Variants in PCCA observed in about 807,000 individuals in gnomAD.
PCCA encodes propionyl-CoA carboxylase alpha chain, mitochondrial.
A neutral mutation model predicts 101.3 loss-of-function variants in PCCA; 74 were observed. The ratio of observed to expected loss-of-function variants is 0.73; its 90% CI spans 0.61 to 0.89. The LOEUF is 0.89. Among genes scored for constraint, PCCA ranks in the 40% least tolerant of loss-of-function variants. PCCA has a pLI of 0.00. For synonymous variants in PCCA, 294 were observed against 313.6 expected, an observed-to-expected ratio of 0.94 and a Z score of 0.66; for missense variants, 891 against 907.0, an observed-to-expected ratio of 0.98 and a Z score of 0.23.
intron 21 of PCCA, among the ~76,000 whole-genome samples, chr13:100,514,337 C>T (rs984714794): frequency 1.2e-4 from 18 of 152,268 alleles, no homozygotes; most frequent in South Asian, 1.0e-3. Flanking sequence ...TAGAGATTCC[C>T]GCCGTCCCCA....
intron 18 of PCCA, among the ~76,000 whole-genome samples, chr13:100,350,975 G>A (rs1461262410): frequency 6.6e-6 from 1 of 152,122 alleles, no homozygotes; most frequent in Admixed American, 6.5e-5. Flanking sequence ...TTTTTAACCT[G>A]TCACCAGGGT....
At chr13:100,422,065 TTTTCTTTTC>T (rs199883896) in intron 19 of PCCA, among the ~76,000 whole-genome samples, 3,918 of 59,274 alleles carry the variant, frequency 0.066, 270 homozygotes, top group Admixed American at 0.13. Flanking sequence ...TTCTCTTCTC[TTTTCTTTTC>T]TTTCTTTCTT....
chr13:100,209,269 T>A, intron 6 of PCCA, 63 bp from the exon 7 acceptor site: 2 of 1,415,410 alleles, frequency 1.4e-6, no homozygotes, highest in Non-Finnish European at 2.0e-6. Flanking sequence ...TTTATAAAAT[T>A]GTGACTCCAC....
chr13:100,210,804 A>G (rs1178298063), intron 7 of PCCA, among the ~76,000 whole-genome samples: 2 of 152,202 alleles, frequency 1.3e-5, no homozygotes, highest in African/African-American at 4.8e-5. Flanking sequence ...GTGCAAGATC[A>G]TTTCATGCAT....
At chr13:100,247,545 G>A (rs186946450) in intron 8 of PCCA, among the ~76,000 whole-genome samples, 190 of 130,992 alleles carry the variant, frequency 1.5e-3, no homozygotes, top group Admixed American at 3.5e-3. Context: ...ACAAAGTCTC[G>A]CTCTGTCACC....
At chr13:100,138,376 G>T (rs1053330526) in intron 4 of PCCA, among the ~76,000 whole-genome samples, 2 of 151,974 alleles carry the variant, frequency 1.3e-5, no homozygotes, top group African/African-American at 4.8e-5. Flanking sequence ...TTACCATCAT[G>T]CAGGTATCTA....
chr13:100,449,154 C>T, intron 20 of PCCA, 98 bp from the exon 21 acceptor site: 2 of 668,144 alleles, frequency 3.0e-6, no homozygotes, highest in Admixed American at 5.3e-5. Context: ...TTTACCCATC[C>T]ATCAGTTGAT....
intron 9 of PCCA, among the ~76,000 whole-genome samples, chr13:100,260,700 A>G (rs917509861): frequency 1.3e-5 from 2 of 152,006 alleles, no homozygotes; most frequent in Non-Finnish European, 2.9e-5. Flanking sequence ...CTTGGCCACA[A>G]ATTAGTTGTT....
At chr13:100,446,954 CA>C (rs758123997) in intron 20 of PCCA, among the ~76,000 whole-genome samples, 3 of 152,208 alleles carry the variant, frequency 2.0e-5, no homozygotes, top group Non-Finnish European at 4.4e-5. Context: ...ATATATACCA[CA>C]ATTTACTTAG....
At chr13:100,438,953 G>C (rs1007474746) in intron 20 of PCCA, among the ~76,000 whole-genome samples, 1 of 152,118 alleles carries the variant, frequency 6.6e-6, no homozygotes, top group African/African-American at 2.4e-5. Flanking sequence ...ACAATGGAAC[G>C]GTCAGAGTGG....
At chr13:100,424,513 C>T (rs1034439445) in intron 19 of PCCA, among the ~76,000 whole-genome samples, 5 of 152,250 alleles carry the variant, frequency 3.3e-5, no homozygotes, top group South Asian at 2.1e-4. Context: ...GTTGCTGCCA[C>T]GCCATATTCA....
intron 8 of PCCA, among the ~76,000 whole-genome samples, chr13:100,240,860 A>G (rs1221459703): frequency 6.6e-6 from 1 of 152,072 alleles, no homozygotes; most frequent in African/African-American, 2.4e-5. Flanking sequence ...CAGTTTTGTT[A>G]TTTTGATGCC....
intron 4 of PCCA, among the ~76,000 whole-genome samples, chr13:100,133,914 A>G (rs1176956999): frequency 1.3e-5 from 2 of 152,192 alleles, no homozygotes; most frequent in Admixed American, 6.5e-5. Context: ...GACCTCGAAC[A>G]TCAGACTCCA....
intron 18 of PCCA, among the ~76,000 whole-genome samples, chr13:100,345,949 A>G (rs2072138456): frequency 6.6e-6 from 1 of 151,964 alleles, no homozygotes; most frequent in African/African-American, 2.4e-5. Context: ...TTTACTGATT[A>G]TTTTGACTCC....
At chr13:100,307,297 C>A in intron 15 of PCCA, 37 bp downstream of exon 15, 1 of 1,343,268 alleles carries the variant, frequency 7.4e-7, no homozygotes, top group Non-Finnish European at 1.1e-6. Flanking sequence ...TTGATTTCTT[C>A]GAAAAATCAA....
At chr13:100,200,973 A>G (rs887923432) in intron 6 of PCCA, among the ~76,000 whole-genome samples, 3 of 152,108 alleles carry the variant, frequency 2.0e-5, no homozygotes, top group Admixed American at 2.0e-4. Context: ...CTGACTCTCA[A>G]GGATAGGGGA....
chr13:100,330,750 T>A, intron 17 of PCCA, 79 bp downstream of exon 17: 2 of 878,930 alleles, frequency 2.3e-6, no homozygotes, highest in Non-Finnish European at 3.7e-6. Context: ...TTCACTCTAT[T>A]TTGAAATTAA....
At chr13:100,117,946 C>A (rs1415933721) in intron 4 of PCCA, among the ~76,000 whole-genome samples, 1 of 151,714 alleles carries the variant, frequency 6.6e-6, no homozygotes, top group Non-Finnish European at 1.5e-5. Context: ...GAAACCCTGT[C>A]TCTACTAAAA....
chr13:100,153,519 G>A (rs1016053548), intron 4 of PCCA, among the ~76,000 whole-genome samples: 3 of 152,116 alleles, frequency 2.0e-5, no homozygotes, highest in East Asian at 3.8e-4. Flanking sequence ...GGATTGTGAA[G>A]TACTCAATTT....
Sources: gnomAD v4.1 joint callset for allele counts (sites outside exome capture counted in the v4.1 genomes callset) on GRCh38, gnomAD v4.1.1 for gene constraint, MANE v1.5 for transcripts, NCBI Gene and HGNC (gene_info 2026-07-23, HGNC 2026-07-21) for gene names.